ADAM19: variants seen among roughly 807,000 people sequenced by gnomAD.
ADAM19 encodes disintegrin and metalloproteinase domain-containing protein 19.
In ADAM19, 65 loss-of-function variants were observed where a neutral mutation model predicts 114.7. The ratio of observed to expected loss-of-function variants is 0.57; its 90% CI spans 0.46 to 0.70. The LOEUF (loss-of-function observed/expected upper bound fraction) is 0.70. Ranked by LOEUF, ADAM19 falls within the 30% of genes least tolerant of loss-of-function variation. The pLI, the probability that ADAM19 is intolerant of heterozygous loss-of-function variation, is 0.00. For synonymous variants in ADAM19, 466 were observed against 460.5 expected (o/e 1.01, Z -0.15); for missense variants, 1,063 against 1,204.7 (o/e 0.88, Z 1.74).
chr5:157,507,931 G>A (rs751877997), intron 9 of ADAM19, among the ~76,000 whole-genome samples: 8 of 152,144 alleles, frequency 5.3e-5, no homozygotes, highest in East Asian at 1.9e-4. Context: ...TTATCTCCAC[G>A]TTTGTCTTCT....
At chr5:157,552,106 G>A (rs188932341) in intron 3 of ADAM19, among the ~76,000 whole-genome samples, 11 of 152,170 alleles carry the variant, frequency 7.2e-5, no homozygotes, top group Non-Finnish European at 1.3e-4. Context: ...AGCCAAGATC[G>A]CACCACTGCA....
intron 5 of ADAM19, among the ~76,000 whole-genome samples, chr5:157,528,744 G>T (rs1001675178): frequency 6.6e-6 from 1 of 152,120 alleles, no homozygotes; most frequent in East Asian, 1.9e-4. Context: ...TGGTTTCACC[G>T]ACGTAAGAGG....
intron 16 of ADAM19, among the ~76,000 whole-genome samples, chr5:157,492,687 T>C (rs1037045757): frequency 1.3e-5 from 2 of 152,220 alleles, no homozygotes; most frequent in Admixed American, 1.3e-4. Context: ...TGCTCAGGCT[T>C]CCCTAACTCC....
At chr5:157,503,828 C>T (rs140075625) in intron 11 of ADAM19, among the ~76,000 whole-genome samples, 71 of 152,298 alleles carry the variant, frequency 4.7e-4, no homozygotes, top group African/African-American at 1.7e-3. Context: ...TCTAAGGATG[C>T]AGAGGGCATT....
chr5:157,491,777 A>T, intron 17 of ADAM19, 54 bp from the exon 18 acceptor site: 1 of 1,612,680 alleles, frequency 6.2e-7, no homozygotes, highest in East Asian at 2.2e-5. Context: ...TCAGCCACCC[A>T]CAGGGCCTGC....
At chr5:157,555,902 T>A (rs986972219) in intron 3 of ADAM19, among the ~76,000 whole-genome samples, 1 of 152,238 alleles carries the variant, frequency 6.6e-6, no homozygotes, top group African/African-American at 2.4e-5. Context: ...GCCTCTGTGA[T>A]CACATCACTG....
intron 3 of ADAM19, among the ~76,000 whole-genome samples, chr5:157,557,763 C>G (rs11134815): frequency 0.32 from 49,277 of 151,954 alleles, 9,009 homozygotes; most frequent in African/African-American, 0.48. Flanking sequence ...CTAATTCTCT[C>G]GGGTCTCTTC....
At chr5:157,537,874 G>A (rs769580348) in intron 4 of ADAM19, 39 bp downstream of exon 4, 42 of 1,568,018 alleles carry the variant, frequency 2.7e-5, no homozygotes, top group Non-Finnish European at 3.4e-5. Context: ...GGCTGGGAGA[G>A]GACAGCTGCT....
chr5:157,517,232 A>G (rs1367037116), intron 7 of ADAM19, among the ~76,000 whole-genome samples: 1 of 152,184 alleles, frequency 6.6e-6, no homozygotes, highest in Non-Finnish European at 1.5e-5. Context: ...TGGAAATGTG[A>G]CTAGGTACAG....
rs62388506 is a variant in ADAM19, at chr5:157,538,031, T to A, written c.252-40A>T. On this transcript the variant is annotated intron_variant, in intron 3 of 22. Transcript: ENST00000257527. ...AAGAGACATTTATATCATAAGTGGA[T>A]GAACTCCACCCTCCTAGCAACAACG... 7.8e-3 allele frequency: 11,672 copies of A among 1,504,336 alleles called. 67 individuals are homozygous for A. Among genetic ancestry groups the A allele is most frequent in the Middle Eastern group, 0.012 (71 of 5,858 alleles). The allele number at this position is 1,504,336 out of a possible 1,614,324, so 93.2% of individuals were successfully genotyped here.
chr5:157,522,261 CAGTA>C (rs1188440637), intron 5 of ADAM19, among the ~76,000 whole-genome samples: 2 of 151,992 alleles, frequency 1.3e-5, no homozygotes, highest in Non-Finnish European at 2.9e-5. Context: ...GTCACACAAA[CAGTA>C]AGAGTAAGAG....
chr5:157,564,857 T>G (rs1222317388), intron 2 of ADAM19, among the ~76,000 whole-genome samples: 1 of 152,178 alleles, frequency 6.6e-6, no homozygotes, highest in African/African-American at 2.4e-5. Context: ...GATACAGAGA[T>G]AGTAATAGTC....
chr5:157,558,891 T>C (rs1031248753), intron 3 of ADAM19, among the ~76,000 whole-genome samples: 10 of 152,212 alleles, frequency 6.6e-5, no homozygotes, highest in Admixed American at 1.3e-4. Context: ...CCAAATTGTA[T>C]AATGGACTTG....
At position 157,480,145 on chromosome 5, in the gene ADAM19, G is replaced by A. The variant is rs1253453080; in HGVS notation, c.*804C>T. ...CATTAGAGGGAGAATGAGAGGGGAAGGAAGAGAGAAAAGCGTGGGGCACCA... is the reference window on the plus strand; with the variant it reads ...CATTAGAGGGAGAATGAGAGGGGAAAGAAGAGAGAAAAGCGTGGGGCACCA... On this transcript the variant is annotated 3_prime_UTR_variant, in exon 23 of 23. Coordinates refer to ENST00000257527, the MANE Select transcript of ADAM19 (RefSeq NM_033274.5). 5 of 985,958 alleles carry A rather than the reference G, an allele frequency of 5.1e-6. No homozygotes were observed. The highest frequency in any genetic ancestry group is 1.7e-5 in the African/African-American group (1 of 57,230). The allele number at this position is 985,958 out of a possible 1,614,324, so 61.1% of individuals were successfully genotyped here.
At chr5:157,545,172 A>C (rs560048658) in intron 3 of ADAM19, among the ~76,000 whole-genome samples, 1 of 152,368 alleles carries the variant, frequency 6.6e-6, no homozygotes, top group African/African-American at 2.4e-5. Flanking sequence ...TAAGACACAG[A>C]CCGCACCCAA....
chr5:157,535,365 C>T (rs1454895949), intron 4 of ADAM19, among the ~76,000 whole-genome samples: 1 of 152,232 alleles, frequency 6.6e-6, no homozygotes, highest in East Asian at 1.9e-4. Flanking sequence ...ACTCCAGCTA[C>T]CCCAGGCCAA....
At chr5:157,536,978 T>A (rs1479989479) in intron 4 of ADAM19, among the ~76,000 whole-genome samples, 1 of 152,232 alleles carries the variant, frequency 6.6e-6, no homozygotes, top group East Asian at 1.9e-4. Context: ...CAGCCCAGAC[T>A]TTGAGAATGG....
chr5:157,573,161 G>T (rs569041723), intron 1 of ADAM19, among the ~76,000 whole-genome samples: 1 of 152,296 alleles, frequency 6.6e-6, no homozygotes, highest in South Asian at 2.1e-4. Context: ...ATCTACGATT[G>T]TAAAAAAATA....
intron 7 of ADAM19, among the ~76,000 whole-genome samples, 195 bp downstream of exon 7, chr5:157,518,628 C>T (rs751213433): frequency 1.2e-4 from 19 of 152,252 alleles, no homozygotes; most frequent in Non-Finnish European, 2.6e-4. Flanking sequence ...AGGTGATCCA[C>T]CCGCCTTGCC....
Sources: gnomAD v4.1 joint callset for allele counts (sites outside exome capture counted in the v4.1 genomes callset) on GRCh38, gnomAD v4.1.1 for gene constraint, MANE v1.5 for transcripts, NCBI Gene and HGNC (gene_info 2026-07-23, HGNC 2026-07-21) for gene names.